The following STAC2 variants were observed in gnomAD, a reference collection of about 807,000 sequenced individuals.
The protein encoded by STAC2 is SH3 and cysteine-rich domain-containing protein 2.
In STAC2, 36 loss-of-function variants were observed where a neutral mutation model predicts 49.0. That is an observed-to-expected ratio of 0.74 (90% CI 0.56 to 0.97). The LOEUF is 0.97. Ranked by LOEUF, STAC2 falls within the 50% of genes least tolerant of loss-of-function variation. STAC2 has a pLI of 0.00. For missense variants in STAC2, 527 were observed against 543.8 expected, an observed-to-expected ratio of 0.97 and a Z score of 0.31; for synonymous variants, 239 against 214.7, an observed-to-expected ratio of 1.11 and a Z score of -0.99.
In STAC2 at chr17:39,213,514, C is replaced by T. The variant is rs148047874; in HGVS notation, c.986G>A (p.Trp329Ter). The stretch of plus-strand genomic sequence containing the variant: ...CCCACCCTGCCAAGTCACCTTCCAC[C>T]AGTCCTCGTTAGAGTCATCCACCAG... ...IMLVDDSNED[W>*]WKGKIGDRVG... The change falls in exon 9 of 11, where the codon TGG becomes TAG. Residue 329 changes from tryptophan to a stop codon, truncating the protein, a stop_gained. Transcript: ENST00000333461. LOFTEE classifies it high-confidence loss of function. 3 of 1,613,628 alleles carry T rather than the reference C, an allele frequency of 1.9e-6. No homozygotes were observed. In the African/African-American group the frequency reaches 4.0e-5, roughly 22 times the overall value.
chr17:39,213,649 G>A, intron 8 of STAC2, 91 bp from the exon 9 acceptor site: 1 of 996,768 alleles, frequency 1.0e-6, no homozygotes, highest in East Asian at 2.5e-5. Flanking sequence ...GGACACTGCA[G>A]TCCTCAGCTG....
chr17:39,212,453 G>A, intron 10 of STAC2, 57 bp from the exon 11 acceptor site: 1 of 1,433,506 alleles, frequency 7.0e-7, no homozygotes, highest in Non-Finnish European at 9.7e-7. Flanking sequence ...CTGGCCCTGA[G>A]TCCTGCCCAT....
rs577417401 is a variant in STAC2, at chr17:39,213,678, T to TC, written c.942-121_942-120insG. On this transcript the variant is annotated intron_variant, in intron 8 of 10. Transcript: ENST00000333461. ...TCAGCTGGGAGAGACGATTCTTTTT[T>TC]TTTTTTTTTTTTTTTTAAGATAGAC... is the stretch of plus-strand genomic sequence containing the variant. 3.5e-5 allele frequency: 31 copies of TC among 882,192 alleles called. No homozygotes were observed. In the South Asian group the frequency reaches 5.0e-4, roughly 14 times the overall value. The allele number at this position is 882,192 out of a possible 1,614,324, so 54.6% of individuals were successfully genotyped here. A position where few individuals can be genotyped will look rare whatever the true frequency, so the allele number is the denominator to read the frequency against.
intron 8 of STAC2, 86 bp downstream of exon 8, chr17:39,214,147 G>T: frequency 6.8e-7 from 1 of 1,462,050 alleles, no homozygotes; most frequent in Non-Finnish European, 9.5e-7. Context: ...CATGCAAGAA[G>T]GTTCCTGAAG....
At chr17:39,220,482 CT>C (rs11407976) in intron 1 of STAC2, among the ~76,000 whole-genome samples, 111 of 147,614 alleles carry the variant, frequency 7.5e-4, no homozygotes, top group East Asian at 1.2e-3. Flanking sequence ...CCTAGATACT[CT>C]TTTTTTTTTT....
At chr17:39,215,047 C>T in intron 5 of STAC2, 24 bp from the exon 6 acceptor site, 1 of 1,614,084 alleles carries the variant, frequency 6.2e-7, no homozygotes, top group African/African-American at 1.3e-5. Context: ...GAGGAGAGGG[C>T]TCAGCCCCCG....
At chr17:39,213,817 C>T (rs1567827857) in intron 8 of STAC2, among the ~76,000 whole-genome samples, 1 of 151,980 alleles carries the variant, frequency 6.6e-6, no homozygotes, top group African/African-American at 2.4e-5. Context: ...ACTGGGTTTA[C>T]AGGCACCTGC....
At chr17:39,219,743 AGAGAGGTCTGG>A (rs913011677) in intron 1 of STAC2, among the ~76,000 whole-genome samples, 1 of 152,172 alleles carries the variant, frequency 6.6e-6, no homozygotes, top group African/African-American at 2.4e-5. Context: ...GTCTTCCCAG[AGAGAGGTCTGG>A]AAACCTCTTG....
At chr17:39,224,317 G>A (rs1446122565) in intron 1 of STAC2, among the ~76,000 whole-genome samples, 1 of 152,220 alleles carries the variant, frequency 6.6e-6, no homozygotes, top group Non-Finnish European at 1.5e-5. Flanking sequence ...ACAAAATACC[G>A]GGTGAAGGGG....
At chr17:39,212,516 T>TGGA in intron 10 of STAC2, 120 bp from the exon 11 acceptor site, 1 of 708,824 alleles carries the variant, frequency 1.4e-6, no homozygotes, top group African/African-American at 1.8e-5. Context: ...CAGATGTGGA[T>TGGA]GGAGCCCTTT....
chr17:39,214,445 G>C lies in STAC2; in HGVS notation c.844-115C>G, dbSNP rs1344126383. 2.0e-6 allele frequency: 3 copies of C among 1,526,264 alleles called. No homozygotes were observed. In the East Asian group the frequency reaches 7.1e-5, roughly 36 times the overall value. The allele number at this position is 1,526,264 out of a possible 1,614,324, so 94.5% of individuals were successfully genotyped here. A position where few individuals can be genotyped will look rare whatever the true frequency, so the allele number is the denominator to read the frequency against. On this transcript the variant is annotated intron_variant, in intron 7 of 10. Transcript: ENST00000333461. Reference sequence around the variant, plus strand: ...TGTGAGGGGACACAGTGAGTCCTAGGTCAACGGCAGGGAGAAGTGAGACCC... The same window carrying C: ...TGTGAGGGGACACAGTGAGTCCTAGCTCAACGGCAGGGAGAAGTGAGACCC...
At position 39,217,906 on chromosome 17, in the gene STAC2, G is replaced by C. The variant is rs374888495; in HGVS notation, c.358C>G (p.Arg120Gly). Reference sequence around the variant, plus strand: ...TGGCACAGCTCACAAGGGCTAGCTCGCTTGAAGACATGTTCCTGGAAGCTG... The same window carrying C: ...TGGCACAGCTCACAAGGGCTAGCTCCCTTGAAGACATGTTCCTGGAAGCTG... Reference protein sequence around the residue: ...LHSFQEHVFKRASPCELCHQL... With the variant: ...LHSFQEHVFKGASPCELCHQL... Residue 120 changes from arginine (R) to glycine (G), a missense_variant, in exon 2 of 11, where the codon CGA (arginine) becomes GGA (glycine). Arg to Gly is a moderately radical substitution (Grantham distance 125). Coordinates refer to ENST00000333461, the MANE Select transcript of STAC2 (RefSeq NM_198993.5). The C allele has an allele frequency of 2.5e-6, 4 of 1,607,146 alleles. No homozygotes were observed. The highest frequency in any genetic ancestry group is 3.4e-6 in the Non-Finnish European group (4 of 1,177,438).
intron 1 of STAC2, among the ~76,000 whole-genome samples, chr17:39,220,647 T>C (rs1392639652): frequency 1.3e-5 from 2 of 151,918 alleles, no homozygotes; most frequent in African/African-American, 4.8e-5. Context: ...GCTAATTTTG[T>C]ATTTTTAATA....
At chr17:39,223,353 C>T (rs1048660955) in intron 1 of STAC2, among the ~76,000 whole-genome samples, 5 of 152,166 alleles carry the variant, frequency 3.3e-5, no homozygotes, top group African/African-American at 7.2e-5. Context: ...TGAATACCCC[C>T]GACCCAACCC....
At chr17:39,220,432 T>G (rs34739816) in intron 1 of STAC2, among the ~76,000 whole-genome samples, 13,090 of 151,968 alleles carry the variant, frequency 0.086, 675 homozygotes, top group African/African-American at 0.14. Flanking sequence ...ACCCCACTTC[T>G]TCTCTCTGAG....
At position 39,218,752 on chromosome 17, in the gene STAC2, G is replaced by GAAA. The variant is rs11390252; in HGVS notation, c.91-582_91-580dup. On this transcript the variant is annotated intron_variant, in intron 1 of 10. Transcript: ENST00000333461. ...TGGGTGTACCATTTACTCAAGTTTAGAAAAAAAAAAATAGGCACGGTATGG... is the reference window on the plus strand; with the variant it reads ...TGGGTGTACCATTTACTCAAGTTTAGAAAAAAAAAAAAAATAGGCACGGTATGG... Among the ~76,000 whole-genome samples the GAAA allele has an allele frequency of 2.7e-3, 390 of 146,296 alleles. 2 individuals carry two copies. The highest frequency in any genetic ancestry group is 9.0e-3 in the African/African-American group (363 of 40,290).
intron 7 of STAC2, 110 bp downstream of exon 7, chr17:39,214,681 G>A: frequency 7.6e-7 from 1 of 1,315,158 alleles, no homozygotes; most frequent in Non-Finnish European, 1.0e-6. Flanking sequence ...AAGTGAGGAA[G>A]CAGTGAATCC....
At chr17:39,216,974 G>C in intron 3 of STAC2, 74 bp from the exon 4 acceptor site, 2 of 1,585,544 alleles carry the variant, frequency 1.3e-6, no homozygotes, top group South Asian at 2.3e-5. Context: ...CCAAGCCCAG[G>C]GCCCACCCCA....
intron 1 of STAC2, among the ~76,000 whole-genome samples, chr17:39,219,634 C>T (rs1032751991): frequency 1.3e-5 from 2 of 152,188 alleles, no homozygotes; most frequent in African/African-American, 2.4e-5. Flanking sequence ...CATGAGCCAG[C>T]GGCTGGACTC....
Sources: gnomAD v4.1 joint callset for allele counts (sites outside exome capture counted in the v4.1 genomes callset) on GRCh38, gnomAD v4.1.1 for gene constraint, MANE v1.5 for transcripts, NCBI Gene and HGNC (gene_info 2026-07-23, HGNC 2026-07-21) for gene names.